Variants in CAMK4 observed in about 807,000 individuals in gnomAD.
CAMK4 encodes the protein calcium/calmodulin dependent protein kinase IV.
Under a neutral mutation model 44.9 loss-of-function variants are expected in CAMK4, and 22 were observed. The observed-to-expected ratio is 0.49, with a 90% CI of 0.35 to 0.70. CAMK4 has a LOEUF of 0.70. CAMK4 is among the 30% of genes least tolerant of loss of function. The pLI is 0.01. For missense variants in CAMK4, 498 were observed against 586.8 expected (o/e 0.85, Z 1.56); for synonymous variants, 218 against 215.4 (o/e 1.01, Z -0.11).
chr5:111,332,972 TA>T (rs1361501970), intron 1 of CAMK4, among the ~76,000 whole-genome samples: 1 of 139,352 alleles, frequency 7.2e-6, no homozygotes, highest in African/African-American at 2.6e-5. Flanking sequence ...CAGGACTTAT[TA>T]AGAACTGTGT....
At chr5:111,459,561 A>G (rs773518455) in intron 7 of CAMK4, among the ~76,000 whole-genome samples, 2 of 152,122 alleles carry the variant, frequency 1.3e-5, no homozygotes, top group Non-Finnish European at 2.9e-5. Context: ...TTTGGCAACC[A>G]CTTACTTAAA....
intron 1 of CAMK4, chr5:111,277,685 GTT>G (rs940536901): frequency 6.6e-6 from 1 of 151,558 alleles, no homozygotes; most frequent in Non-Finnish European, 1.5e-5. Context: ...ACTCAGTCGT[GTT>G]TTTTTTCTTT....
rs1312724543 is a variant in CAMK4 at position 111,446,710 on chromosome 5, C to T, written c.484C>T (p.His162Tyr). 6.3e-7 allele frequency: 1 copy of T among 1,594,782 alleles called. No individual in the cohort carries two copies. Among genetic ancestry groups the T allele is most frequent in the East Asian group, 2.2e-5 (1 of 44,700 alleles). Residue 162 changes from histidine (H) to tyrosine (Y), a missense_variant, in exon 6 of 11, where the codon CAT (histidine) becomes TAT (tyrosine). Coordinates refer to ENST00000282356, the MANE Select transcript of CAMK4 (RefSeq NM_001744.6). ...GTATCTACATGAAAATGGGATTGTCCATCGTGATCTCAAACCAGAGAATCT... is the reference window on the plus strand; with the variant it reads ...GTATCTACATGAAAATGGGATTGTCTATCGTGATCTCAAACCAGAGAATCT... ...VAYLHENGIV[H>Y]RDLKPENLLY...
At chr5:111,250,444 G>A (rs1260783967) in intron 1 of CAMK4, among the ~76,000 whole-genome samples, 2 of 152,150 alleles carry the variant, frequency 1.3e-5, no homozygotes, top group African/African-American at 2.4e-5. Flanking sequence ...CCAAATTGGG[G>A]ACTTTGAGGC....
At chr5:111,341,768 A>G (rs1344057347) in intron 1 of CAMK4, among the ~76,000 whole-genome samples, 7 of 151,240 alleles carry the variant, frequency 4.6e-5, no homozygotes, top group Non-Finnish European at 1.5e-5. Context: ...TATTTTTTCC[A>G]TTTTACAGAT....
rs1748957696 is a variant in CAMK4 at position 111,327,628 on chromosome 5, G to A, written c.162-16396G>A. Among the ~76,000 whole-genome samples, 8 of 152,018 alleles carry A rather than the reference G, an allele frequency of 5.3e-5. No homozygotes were observed. The South Asian group carries it at 1.7e-3, about 32-fold the overall frequency. ...GAACTAGTTTACAGTCCCACCAACA[G>A]TGTAAAAATGTTCCTATTTCTCCAC... On this transcript the variant is annotated intron_variant, in intron 1 of 10. Coordinates refer to ENST00000282356, the MANE Select transcript of CAMK4 (RefSeq NM_001744.6).
At chr5:111,451,342 A>G (rs1327576344) in intron 7 of CAMK4, among the ~76,000 whole-genome samples, 1 of 152,060 alleles carries the variant, frequency 6.6e-6, no homozygotes, top group Non-Finnish European at 1.5e-5. Context: ...ATTTTAATAT[A>G]TATATATTTT....
intron 6 of CAMK4, 113 bp downstream of exon 6, chr5:111,446,889 G>T: frequency 1.4e-6 from 1 of 735,342 alleles, no homozygotes; most frequent in Admixed American, 2.0e-5. Context: ...CAGTTTTCCT[G>T]AATAATTGAC....
At chr5:111,320,616 C>T (rs898336635) in intron 1 of CAMK4, among the ~76,000 whole-genome samples, 2 of 152,186 alleles carry the variant, frequency 1.3e-5, no homozygotes, top group South Asian at 2.1e-4. Flanking sequence ...AAGTGATTCT[C>T]CTGCCTCAGC....
In CAMK4 at chr5:111,492,381, C is replaced by T. The variant is rs1043340617; in HGVS notation, c.*7915C>T. 7 of 152,076 alleles carry T rather than the reference C, an allele frequency of 4.6e-5. No individual in the cohort carries two copies. Among genetic ancestry groups the T allele is most frequent in the African/African-American group, 1.7e-4 (7 of 41,418 alleles). 9.4% of individuals were successfully genotyped at this position (152,076 alleles called of 1,614,324 possible). A position where few individuals can be genotyped will look rare whatever the true frequency, so the allele number is the denominator to read the frequency against. On this transcript the variant is annotated 3_prime_UTR_variant, in exon 11 of 11. Coordinates refer to ENST00000282356, the MANE Select transcript of CAMK4 (RefSeq NM_001744.6). ...ACTAGGATACACTCGCTGTAGAACTCAGAACAAAAGATATCAATCTTCTGC... is the reference window on the plus strand; with the variant it reads ...ACTAGGATACACTCGCTGTAGAACTTAGAACAAAAGATATCAATCTTCTGC...
At chr5:111,481,448 A>C (rs974965972) in intron 9 of CAMK4, among the ~76,000 whole-genome samples, 1 of 152,160 alleles carries the variant, frequency 6.6e-6, no homozygotes, top group Non-Finnish European at 1.5e-5. Flanking sequence ...TCTGCCCACT[A>C]CAAATCTAGC....
At chr5:111,412,747 T>G (rs1752674439) in intron 5 of CAMK4, among the ~76,000 whole-genome samples, 2 of 152,166 alleles carry the variant, frequency 1.3e-5, no homozygotes, top group African/African-American at 4.8e-5. Flanking sequence ...GAAGCTGCTT[T>G]CCATAAGACA....
chr5:111,472,147 G>C (rs1033077993), intron 7 of CAMK4, among the ~76,000 whole-genome samples: 1 of 151,934 alleles, frequency 6.6e-6, no homozygotes, highest in African/African-American at 2.4e-5. Context: ...CACCTGCCTC[G>C]ATCTCCCAAA....
rs567423053 is a variant in CAMK4, at chr5:111,370,901, G to A, written c.241-3949G>A. On this transcript the variant is annotated intron_variant, in intron 2 of 10. Coordinates refer to ENST00000282356, the MANE Select transcript of CAMK4 (RefSeq NM_001744.6). ...TTGCACTCCAGCCTGGTGACAAAGCGAGACTCCATCTCAAAAAACAAAAAC... is the reference window on the plus strand; with the variant it reads ...TTGCACTCCAGCCTGGTGACAAAGCAAGACTCCATCTCAAAAAACAAAAAC... Among the ~76,000 whole-genome samples the A allele has an allele frequency of 1.3e-3, 175 of 133,448 alleles. 1 individual carries two copies. Among genetic ancestry groups the A allele is most frequent in the African/African-American group, 4.8e-3 (168 of 35,016 alleles). The allele number at this position is 133,448 out of a possible 152,430, so 87.5% of individuals were successfully genotyped here. A position where few individuals can be genotyped will look rare whatever the true frequency, so the allele number is the denominator to read the frequency against.
chr5:111,471,718 ATGACCTTT>A (rs897413966), intron 7 of CAMK4, among the ~76,000 whole-genome samples: 6 of 152,178 alleles, frequency 3.9e-5, no homozygotes, highest in African/African-American at 1.4e-4. Flanking sequence ...TGCATTTACC[ATGACCTTT>A]TGAAGACTCC....
chr5:111,441,846 G>T (rs1029683462), intron 5 of CAMK4, among the ~76,000 whole-genome samples: 3 of 152,034 alleles, frequency 2.0e-5, no homozygotes, highest in Non-Finnish European at 4.4e-5. Flanking sequence ...TTCTTTGTCA[G>T]CTCTATAGAT....
intron 7 of CAMK4, among the ~76,000 whole-genome samples, chr5:111,472,984 A>G (rs1175035314): frequency 6.6e-6 from 1 of 152,148 alleles, no homozygotes; most frequent in Non-Finnish European, 1.5e-5. Flanking sequence ...TTTGTTTTCT[A>G]TGTACAAAAC....
chr5:111,385,403 T>C (rs1022015472), intron 4 of CAMK4, among the ~76,000 whole-genome samples: 1 of 152,130 alleles, frequency 6.6e-6, no homozygotes, highest in Non-Finnish European at 1.5e-5. Flanking sequence ...GAAGGGCCTA[T>C]TGTGGCAAAA....
In CAMK4 at chr5:111,425,897, T is replaced by C. The variant is rs60523563; in HGVS notation, c.460-20789T>C. Among the ~76,000 whole-genome samples, 379 of 152,312 alleles carry C rather than the reference T, an allele frequency of 2.5e-3. 2 individuals are homozygous for C. Among genetic ancestry groups the C allele is most frequent in the Non-Finnish European group, 4.4e-3 (302 of 68,018 alleles). ...GTATCACGAGTTCTAAAGGAATAGA[T>C]ACTTTTTTTAAACTATGTCATTTAA... On this transcript the variant is annotated intron_variant, in intron 5 of 10. Transcript: ENST00000282356.
Sources: allele counts gnomAD v4.1 joint callset (sites outside exome capture counted in the v4.1 genomes callset), GRCh38; gene constraint gnomAD v4.1.1; transcripts MANE v1.5; gene names NCBI Gene and HGNC (gene_info 2026-07-23, HGNC 2026-07-21).